The following NARS2 variants were observed in gnomAD, a reference collection of about 807,000 sequenced individuals.
NARS2 encodes the protein asparaginyl-tRNA synthetase 2, mitochondrial, also known as asparaginyl-tRNA synthetase.
NARS2 carries 60 observed loss-of-function variants against 62.9 expected under a neutral mutation model. That is an observed-to-expected ratio of 0.95 (90% CI 0.77 to 1.18). The LOEUF (loss-of-function observed/expected upper bound fraction) is 1.18. Among genes scored for constraint, NARS2 ranks in the 50% most tolerant of loss-of-function variants. The probability of loss-of-function intolerance (pLI) is 0.00; values close to 1 mark genes in which losing one functional copy is unlikely to be tolerated. For synonymous variants in NARS2, 196 were observed against 200.0 expected (o/e 0.98, Z 0.17); for missense variants, 619 against 576.4 (o/e 1.07, Z -0.76).
At chr11:78,466,161 T>A (rs971139511) in intron 10 of NARS2, 148 bp from the exon 11 acceptor site, 2 of 757,816 alleles carry the variant, frequency 2.6e-6, no homozygotes, top group Non-Finnish European at 4.1e-6. Context: ...CACAGCTGAC[T>A]AAACAAGAGA....
intron 6 of NARS2, among the ~76,000 whole-genome samples, chr11:78,526,964 G>A (rs768076839): frequency 6.6e-6 from 1 of 152,148 alleles, no homozygotes. Context: ...AGGCCCATTC[G>A]ACGATTACTT....
At position 78,549,633 on chromosome 11, in the gene NARS2, A is replaced by C. The variant is rs578123326; in HGVS notation, c.594+9906T>G. Among the ~76,000 whole-genome samples the C allele has an allele frequency of 3.0e-4, 45 of 152,354 alleles. No homozygotes were observed. In the South Asian group the frequency reaches 8.7e-3, roughly 29 times the overall value. ...CCCTTGAAAACTATGTCCACAAAGG[A>C]GTATAAATTTGATTGGATCAGTTTG... On this transcript the variant is annotated intron_variant, in intron 5 of 13. Coordinates refer to ENST00000281038, the MANE Select transcript of NARS2 (RefSeq NM_024678.6).
At chr11:78,542,516 T>C (rs1736251314) in intron 5 of NARS2, among the ~76,000 whole-genome samples, 1 of 152,204 alleles carries the variant, frequency 6.6e-6, no homozygotes, top group African/African-American at 2.4e-5. Context: ...TGATAAGATA[T>C]GGTCCTAGTC....
Position 78,517,207 on chromosome 11 carries a change from G to C in NARS2, c.689+11635C>G, listed in dbSNP as rs185707210. ...TGAGTGAAAGGATTCAAAGGGTATG[G>C]AACAAGAATTTAGAATGATTTCCAT... On this transcript the variant is annotated intron_variant, in intron 6 of 13. Coordinates refer to ENST00000281038, the MANE Select transcript of NARS2 (RefSeq NM_024678.6). Among the ~76,000 whole-genome samples the C allele has an allele frequency of 2.6e-5, 4 of 152,252 alleles. No homozygotes were observed. In the East Asian group the frequency reaches 7.7e-4, roughly 29 times the overall value.
chr11:78,477,281 T>C (rs1258109904), intron 9 of NARS2, among the ~76,000 whole-genome samples: 1 of 152,326 alleles, frequency 6.6e-6, no homozygotes, highest in South Asian at 2.1e-4. Flanking sequence ...TTCAGTTGCC[T>C]ATCCAACATC....
chr11:78,497,449 T>C (rs1714886150), intron 6 of NARS2, among the ~76,000 whole-genome samples: 1 of 152,098 alleles, frequency 6.6e-6, no homozygotes, highest in South Asian at 2.1e-4. Flanking sequence ...GAAGAACTTA[T>C]TCAGCATAAG....
intron 7 of NARS2, among the ~76,000 whole-genome samples, chr11:78,488,195 C>T (rs1483992893): frequency 6.7e-6 from 1 of 150,190 alleles, no homozygotes; most frequent in Non-Finnish European, 1.5e-5. Context: ...GCTGTCCATG[C>T]TCCAATCCCA....
intron 6 of NARS2, among the ~76,000 whole-genome samples, chr11:78,504,014 C>T (rs898610069): frequency 1.3e-5 from 2 of 152,144 alleles, no homozygotes; most frequent in Admixed American, 6.5e-5. Flanking sequence ...TCCAAATTCC[C>T]AAGTTACAGC....
intron 9 of NARS2, among the ~76,000 whole-genome samples, chr11:78,471,691 C>T (rs773557517): frequency 4.8e-5 from 6 of 124,900 alleles, no homozygotes; most frequent in Admixed American, 4.4e-4. Flanking sequence ...CCCCTCCCCC[C>T]ACCCCACCAC....
At chr11:78,440,219 A>C (rs1160427390) in intron 13 of NARS2, among the ~76,000 whole-genome samples, 1 of 152,056 alleles carries the variant, frequency 6.6e-6, no homozygotes, top group South Asian at 2.1e-4. Flanking sequence ...ACACGCCACC[A>C]TGCCCAGCTA....
intron 7 of NARS2, among the ~76,000 whole-genome samples, chr11:78,480,698 G>C (rs1330027844): frequency 2.0e-5 from 3 of 151,866 alleles, no homozygotes; most frequent in Non-Finnish European, 2.9e-5. Context: ...CTAATTTGGG[G>C]GGGGTGGGAA....
chr11:78,450,889 G>C (rs1321595358), intron 11 of NARS2, among the ~76,000 whole-genome samples: 2 of 143,332 alleles, frequency 1.4e-5, no homozygotes, highest in Non-Finnish European at 3.0e-5. Context: ...ACCATGTTGG[G>C]CAGGCAGGCC....
chr11:78,466,484 A>G (rs1481344699), intron 10 of NARS2, among the ~76,000 whole-genome samples: 2 of 151,768 alleles, frequency 1.3e-5, no homozygotes, highest in Non-Finnish European at 2.9e-5. Flanking sequence ...TCTCTTGGTG[A>G]CTTTTGTTTT....
At chr11:78,485,199 C>T (rs1222158971) in intron 7 of NARS2, among the ~76,000 whole-genome samples, 1 of 151,644 alleles carries the variant, frequency 6.6e-6, no homozygotes, top group East Asian at 1.9e-4. Flanking sequence ...AACACATGGA[C>T]ACAGGGAGGG....
At chr11:78,540,290 A>C (rs1007247796) in intron 5 of NARS2, among the ~76,000 whole-genome samples, 1 of 152,226 alleles carries the variant, frequency 6.6e-6, no homozygotes, top group Non-Finnish European at 1.5e-5. Context: ...ATATTAAACA[A>C]GTATTTTGAA....
chr11:78,560,316 C>T (rs955210186), intron 4 of NARS2, among the ~76,000 whole-genome samples: 30 of 152,132 alleles, frequency 2.0e-4, no homozygotes, highest in African/African-American at 2.4e-5. Context: ...TACCGAGGTC[C>T]CCAAATGGAG....
intron 11 of NARS2, among the ~76,000 whole-genome samples, chr11:78,452,174 T>C (rs1857993898): frequency 6.6e-6 from 1 of 151,942 alleles, no homozygotes; most frequent in South Asian, 2.1e-4. Flanking sequence ...AGTGGTGCGA[T>C]CTCACTCACT....
rs1168694204 is a variant in NARS2 at position 78,493,052 on chromosome 11, T to C, written c.822+11A>G. The C allele has an allele frequency of 1.3e-6, 2 of 1,599,638 alleles. No individual in the cohort carries two copies. Among genetic ancestry groups the C allele is most frequent in the South Asian group, 1.1e-5 (1 of 89,180 alleles). ...CACAGATACCTGGTATTTTAAAACT[T>C]GTGTACCTACCTGCATAAGATCTTG... On this transcript the variant is annotated intron_variant, in intron 7 of 13. Transcript: ENST00000281038.
chr11:78,513,771 A>T (rs1034845029), intron 6 of NARS2, among the ~76,000 whole-genome samples: 2 of 152,066 alleles, frequency 1.3e-5, no homozygotes, highest in African/African-American at 4.8e-5. Flanking sequence ...GCCTCATGAT[A>T]TAGTTGGGCT....
Sources: gnomAD v4.1 joint callset for allele counts (sites outside exome capture counted in the v4.1 genomes callset) on GRCh38, gnomAD v4.1.1 for gene constraint, MANE v1.5 for transcripts, NCBI Gene and HGNC (gene_info 2026-07-23, HGNC 2026-07-21) for gene names.